The following MMP15 variants were observed in gnomAD, a reference collection of about 807,000 sequenced individuals.
The protein encoded by MMP15 is matrix metallopeptidase 15.
A neutral mutation model predicts 65.0 loss-of-function variants in MMP15; 36 were observed. The observed-to-expected ratio is 0.55, with a 90% confidence interval of 0.42 to 0.73. MMP15 has a LOEUF of 0.73. MMP15 is among the 30% of genes least tolerant of loss of function. The pLI is 0.00. For missense variants in MMP15, 870 were observed against 987.8 expected (o/e 0.88, Z 1.60); for synonymous variants, 428 against 410.2 (o/e 1.04, Z -0.52).
intron 1 of MMP15, among the ~76,000 whole-genome samples, chr16:58,032,814 T>C (rs1470086868): frequency 1.3e-5 from 2 of 152,238 alleles, no homozygotes; most frequent in African/African-American, 4.8e-5. Context: ...GATCCATCGC[T>C]GGCAGCCTTG....
At chr16:58,041,523 C>A in intron 5 of MMP15, 94 bp from the exon 6 acceptor site, 1 of 1,392,312 alleles carries the variant, frequency 7.2e-7, no homozygotes, top group Non-Finnish European at 9.8e-7. Flanking sequence ...CAGGATTTTA[C>A]TTTCCGCGTG....
At position 58,043,439 on chromosome 16, in the gene MMP15, C is replaced by A. The variant is rs571347246; in HGVS notation, c.1455-73C>A. 5.6e-6 allele frequency: 9 copies of A among 1,595,634 alleles called. No individual in the cohort carries two copies. In the East Asian group the frequency reaches 2.0e-4, roughly 36 times the overall value. The stretch of plus-strand genomic sequence containing the variant: ...AACCTCAGGCCTACCCAGAAAGAAT[C>A]CACTGCCTGTGGGGAACGGGTCCTG... On this transcript the variant is annotated intron_variant, in intron 8 of 9. Transcript: ENST00000219271.
chr16:58,041,999 C>G lies in MMP15; in HGVS notation c.1164+129C>G, dbSNP rs1959468168. The G allele has an allele frequency of 6.4e-6, 8 of 1,243,692 alleles. No individual in the cohort carries two copies. The East Asian group carries it at 2.0e-4, about 32-fold the overall frequency. The allele number at this position is 1,243,692 out of a possible 1,614,324, so 77.0% of individuals were successfully genotyped here. The stretch of plus-strand genomic sequence containing the variant: ...CAGCTCTAGATGGGGAGGAATCCAG[C>G]CCAAGAGGTTGAGGGACTTGCCCAG... On this transcript the variant is annotated intron_variant, in intron 6 of 9. Transcript: ENST00000219271.
rs902680785 is a variant in MMP15, at chr16:58,026,977, C to T, written c.162+465C>T. Among the ~76,000 whole-genome samples the T allele has an allele frequency of 3.3e-5, 5 of 152,352 alleles. No individual in the cohort carries two copies. In the East Asian group the frequency reaches 7.7e-4, roughly 24 times the overall value. On this transcript the variant is annotated intron_variant, in intron 1 of 9. Coordinates refer to ENST00000219271, the MANE Select transcript of MMP15 (RefSeq NM_002428.4). ...AGAGCTGGGCGGCTGGGCAACTGCG[C>T]TCCTGCCCAGGTGGCCTCCCGTCTG...
rs41362250 is a variant in MMP15, at chr16:58,043,186, C to T, written c.1304-24C>T. 1,167 of 1,558,162 alleles carry T rather than the reference C, an allele frequency of 7.5e-4. 12 individuals are homozygous for T. In the African/African-American group the frequency reaches 0.014, roughly 19 times the overall value. ...CCCCTCAGCCCCAGGCCTGACCTCACTGTGCCTGCCACCCCTCCTGTAGGT... is the reference window on the plus strand; with the variant it reads ...CCCCTCAGCCCCAGGCCTGACCTCATTGTGCCTGCCACCCCTCCTGTAGGT... On this transcript the variant is annotated intron_variant, in intron 7 of 9. Coordinates refer to ENST00000219271, the MANE Select transcript of MMP15 (RefSeq NM_002428.4).
intron 1 of MMP15, among the ~76,000 whole-genome samples, chr16:58,027,479 G>A (rs1455518806): frequency 6.6e-6 from 1 of 152,208 alleles, no homozygotes; most frequent in African/African-American, 2.4e-5. Context: ...GGACTTGGGC[G>A]GGGAGTAGGG....
At chr16:58,037,371 A>G (rs745957885) in intron 1 of MMP15, 101 bp from the exon 2 acceptor site, 4 of 1,465,696 alleles carry the variant, frequency 2.7e-6, no homozygotes, top group Non-Finnish European at 3.7e-6. Flanking sequence ...GCTCAGATAG[A>G]GCAGCGGTGG....
chr16:58,026,656 A>C (rs1172668592), intron 1 of MMP15, 144 bp downstream of exon 1: 1 of 928,708 alleles, frequency 1.1e-6, no homozygotes, highest in Non-Finnish European at 1.4e-6. Context: ...CGGACTTGGC[A>C]GTCTGCCCCT....
intron 9 of MMP15, among the ~76,000 whole-genome samples, chr16:58,044,589 CAGAG>C (rs1959517702): frequency 6.6e-6 from 1 of 152,216 alleles, no homozygotes; most frequent in Non-Finnish European, 1.5e-5. Flanking sequence ...TGCCCAAGGT[CAGAG>C]AGCCAGCCCA....
intron 1 of MMP15, among the ~76,000 whole-genome samples, chr16:58,036,061 A>G (rs558347986): frequency 1.4e-4 from 22 of 152,324 alleles, no homozygotes; most frequent in African/African-American, 4.8e-4. Context: ...GTGTCCAGCT[A>G]CTGCCCTGCT....
At chr16:58,032,807 C>T (rs576616591) in intron 1 of MMP15, among the ~76,000 whole-genome samples, 1 of 152,356 alleles carries the variant, frequency 6.6e-6, no homozygotes, top group South Asian at 2.1e-4. Flanking sequence ...GGGGCTGGAT[C>T]CATCGCTGGC....
At chr16:58,040,501 C>T (rs1239560928) in intron 4 of MMP15, 36 bp from the exon 5 acceptor site, 1 of 1,603,618 alleles carries the variant, frequency 6.2e-7, no homozygotes, top group Non-Finnish European at 8.5e-7. Context: ...GGACTGGCCA[C>T]AGCTGACTGT....
In MMP15 at chr16:58,040,163, C is replaced by T; in HGVS notation, c.729C>T (p.Phe243=). 2 of 1,610,958 alleles carry T rather than the reference C, an allele frequency of 1.2e-6. No individual in the cohort carries two copies. Among genetic ancestry groups the T allele is most frequent in the African/African-American group, 1.3e-5 (1 of 75,062 alleles). The change falls in exon 4 of 10, where the codon TTC becomes TTT. Residue 243 remains phenylalanine (F), a synonymous_variant. Transcript: ENST00000219271. The part of the protein sequence containing the change: ...THFDADEPWT[F]SSTDLHGNNL... ...TTGACGCAGATGAGCCCTGGACCTTCTCCAGCACTGACCTGCATGGTGAGG... is the reference window on the plus strand; with the variant it reads ...TTGACGCAGATGAGCCCTGGACCTTTTCCAGCACTGACCTGCATGGTGAGG...
chr16:58,039,571 A>G (rs1959405848), intron 3 of MMP15, among the ~76,000 whole-genome samples: 1 of 152,096 alleles, frequency 6.6e-6, no homozygotes, highest in Admixed American at 6.6e-5. Flanking sequence ...TGTTTCCCAA[A>G]CCTCACTCAT....
chr16:58,039,920 G>A lies in MMP15; in HGVS notation c.486G>A (p.Glu162=), dbSNP rs1959413619. ...AGTTGGGCTGGTACCACTCGATGGA[G>A]GCGGTGCGCAGGGCCTTCCGCGTGT... The part of the protein sequence containing the change: ...TEKLGWYHSM[E]AVRRAFRVWE... The change falls in exon 4 of 10, where the codon GAG becomes GAA. Residue 162 remains glutamate, a synonymous_variant. Coordinates refer to ENST00000219271, the MANE Select transcript of MMP15 (RefSeq NM_002428.4). 6.2e-7 allele frequency: 1 copy of A among 1,610,494 alleles called. No homozygotes were observed. Among genetic ancestry groups the A allele is most frequent in the Admixed American group, 1.7e-5 (1 of 59,972 alleles).
At chr16:58,042,572 A>T (rs1005364146) in intron 7 of MMP15, among the ~76,000 whole-genome samples, 1 of 152,184 alleles carries the variant, frequency 6.6e-6, no homozygotes, top group African/African-American at 2.4e-5. Context: ...TTGGACCTGC[A>T]ACCCGGAAGT....
At position 58,026,404 on chromosome 16, in the gene MMP15, C is replaced by A; in HGVS notation, c.54C>A (p.Leu18=). The A allele has an allele frequency of 7.0e-7, 1 of 1,426,214 alleles. No individual in the cohort carries two copies. Among genetic ancestry groups the A allele is most frequent in the Non-Finnish European group, 9.1e-7 (1 of 1,095,468 alleles). The allele number at this position is 1,426,214 out of a possible 1,614,324, so 88.3% of individuals were successfully genotyped here. A position where few individuals can be genotyped will look rare whatever the true frequency, so the allele number is the denominator to read the frequency against. The stretch of plus-strand genomic sequence containing the variant: ...GGCCGGGCTGGACGGGCAGCCTCCT[C>A]GGCGACCGGGAGGAGGCGGCGCGGC... ...PGRPGWTGSL[L]GDREEAARPR... is the part of the protein sequence containing the mutation. Residue 18 remains leucine (L), a synonymous_variant, in exon 1 of 10, where the codon CTC becomes CTA. Coordinates refer to ENST00000219271, the MANE Select transcript of MMP15 (RefSeq NM_002428.4).
chr16:58,031,250 G>A (rs1567428360), intron 1 of MMP15, among the ~76,000 whole-genome samples: 1 of 152,204 alleles, frequency 6.6e-6, no homozygotes. Context: ...CGGGGTTGAA[G>A]GCTACAGGTC....
intron 1 of MMP15, among the ~76,000 whole-genome samples, chr16:58,030,673 C>A (rs1199547897): frequency 1.3e-5 from 2 of 152,150 alleles, no homozygotes; most frequent in Non-Finnish European, 2.9e-5. Flanking sequence ...GTGACTGTCA[C>A]CCTGTAGGGG....
Sources: gnomAD v4.1 joint callset for allele counts (sites outside exome capture counted in the v4.1 genomes callset) on GRCh38, gnomAD v4.1.1 for gene constraint, MANE v1.5 for transcripts, NCBI Gene and HGNC (gene_info 2026-07-23, HGNC 2026-07-21) for gene names.